Variants in RNF216 observed in about 807,000 individuals in gnomAD.
RNF216 encodes ring finger protein 216.
Under a neutral mutation model 110.8 loss-of-function variants are expected in RNF216, and 72 were observed. That is an observed-to-expected ratio of 0.65 (90% CI 0.54 to 0.79). The LOEUF (loss-of-function observed/expected upper bound fraction) is 0.79. Among genes scored for constraint, RNF216 ranks in the 30% least tolerant of loss-of-function variants. The pLI, the probability that RNF216 is intolerant of heterozygous loss-of-function variation, is 0.00. For missense variants in RNF216, 1,342 were observed against 1,141.2 expected, an observed-to-expected ratio of 1.18 and a Z score of -2.54; for synonymous variants, 495 against 407.5, an observed-to-expected ratio of 1.21 and a Z score of -2.59.
intron 13 of RNF216, among the ~76,000 whole-genome samples, chr7:5,701,521 C>A (rs1358907298): frequency 1.3e-5 from 2 of 152,214 alleles, no homozygotes; most frequent in African/African-American, 4.8e-5. Flanking sequence ...TTTACCCACG[C>A]TGTTTCCATT....
intron 15 of RNF216, among the ~76,000 whole-genome samples, chr7:5,630,861 C>A (rs1260833351): frequency 2.0e-5 from 3 of 152,302 alleles, no homozygotes; most frequent in South Asian, 2.1e-4. Context: ...GATGAGGAAA[C>A]CCTGGCACAG....
chr7:5,741,772 G>A lies in RNF216; in HGVS notation c.245C>T (p.Ala82Val), dbSNP rs1562451858. The change falls in exon 4 of 17, where the codon GCT (alanine) becomes GTT (valine). Residue 82 changes from alanine to valine, a missense_variant. Transcript: ENST00000389902. ...CCTTTTCAGATCTTGCCACTGGGCA[G>A]CTGGTTTGATGAGATTGGGTCGTGA... ...QRSRPNLIKP[A>V]AQWQDLKRLG... The A allele has an allele frequency of 1.9e-6, 3 of 1,614,008 alleles. No homozygotes were observed. The highest frequency in any genetic ancestry group is 3.3e-5 in the Admixed American group (2 of 59,994).
intron 1 of RNF216, among the ~76,000 whole-genome samples, chr7:5,773,656 C>T (rs1395684256): frequency 1.3e-5 from 2 of 152,218 alleles, no homozygotes; most frequent in African/African-American, 4.8e-5. Context: ...CAACCTCCGT[C>T]TCCCAGGTTC....
At chr7:5,744,815 C>A (rs6463512) in intron 3 of RNF216, among the ~76,000 whole-genome samples, 148,896 of 152,134 alleles carry the variant, frequency 0.98, 72,877 homozygotes, top group Middle Eastern at 0.99. Context: ...TCTACTAAAA[C>A]TACAAAATTA....
chr7:5,698,888 C>T (rs1287695370), intron 13 of RNF216, among the ~76,000 whole-genome samples: 1 of 152,192 alleles, frequency 6.6e-6, no homozygotes, highest in Non-Finnish European at 1.5e-5. Flanking sequence ...ATTTTCTCAT[C>T]TCTTAAAAAA....
chr7:5,645,635 C>T (rs569073089), intron 14 of RNF216, among the ~76,000 whole-genome samples: 28 of 151,850 alleles, frequency 1.8e-4, no homozygotes, highest in East Asian at 1.4e-3. Flanking sequence ...TCTGTCCCCA[C>T]GCTGGTGTGC....
chr7:5,634,435 G>C (rs1027495998), intron 15 of RNF216, among the ~76,000 whole-genome samples: 2 of 152,254 alleles, frequency 1.3e-5, no homozygotes, highest in Non-Finnish European at 2.9e-5. Flanking sequence ...ATTAGCCACA[G>C]ATCGCCTGAG....
intron 2 of RNF216, among the ~76,000 whole-genome samples, chr7:5,755,128 AAG>A (rs1795555297): frequency 7.2e-6 from 1 of 139,356 alleles, no homozygotes; most frequent in Non-Finnish European, 1.6e-5. Context: ...AAGGAAAGGA[AAG>A]AGGGAGGGAG....
intron 1 of RNF216, among the ~76,000 whole-genome samples, chr7:5,769,762 C>T (rs913022514): frequency 4.0e-5 from 6 of 151,426 alleles, no homozygotes; most frequent in Non-Finnish European, 7.4e-5. Context: ...ATCGGCCAGG[C>T]GTGGTGACTC....
chr7:5,765,394 G>A (rs1796149836), intron 1 of RNF216, among the ~76,000 whole-genome samples: 1 of 151,784 alleles, frequency 6.6e-6, no homozygotes, highest in Non-Finnish European at 1.5e-5. Context: ...AGCTTGGAAG[G>A]TGGAGGTTGC....
intron 1 of RNF216, among the ~76,000 whole-genome samples, chr7:5,769,732 A>G (rs1796394807): frequency 6.6e-6 from 1 of 151,266 alleles, no homozygotes; most frequent in Admixed American, 6.6e-5. Context: ...AAAAAAAGAA[A>G]AAAAGAAAAA....
rs113608777 is a variant in RNF216, at chr7:5,754,738, T to C, written c.68-1759A>G. 2.2e-3 allele frequency among the ~76,000 whole-genome samples: 337 copies of C among 152,136 alleles called. 3 individuals carry two copies. The highest frequency in any genetic ancestry group is 0.01 in the Middle Eastern group (3 of 292). ...AATCTTGGTGTACCCAATGAAAAAG[T>C]TGGTTTAGGCTGGGCACGGTGGCTC... On this transcript the variant is annotated intron_variant, in intron 2 of 16. Transcript: ENST00000389902.
chr7:5,743,672 A>C (rs1458775179), intron 3 of RNF216, among the ~76,000 whole-genome samples: 1 of 152,248 alleles, frequency 6.6e-6, no homozygotes, highest in East Asian at 1.9e-4. Context: ...ACACATGGAT[A>C]CATACAAATT....
At chr7:5,636,722 C>A (rs183069106) in intron 15 of RNF216, among the ~76,000 whole-genome samples, 1 of 152,356 alleles carries the variant, frequency 6.6e-6, no homozygotes, top group East Asian at 1.9e-4. Context: ...GGAACAGAAT[C>A]TCCGGCTGTG....
intron 3 of RNF216, among the ~76,000 whole-genome samples, chr7:5,744,409 T>C (rs1162921170): frequency 1.3e-5 from 2 of 151,902 alleles, no homozygotes; most frequent in Non-Finnish European, 2.9e-5. Context: ...TAACTGGAGT[T>C]GTAGAAGAGA....
chr7:5,695,782 T>C (rs1791588811), intron 13 of RNF216, among the ~76,000 whole-genome samples: 1 of 152,210 alleles, frequency 6.6e-6, no homozygotes, highest in South Asian at 2.1e-4. Flanking sequence ...CCCTTATGTG[T>C]TCTTCCCTTG....
chr7:5,773,491 T>C (rs571131746), intron 1 of RNF216, among the ~76,000 whole-genome samples: 2 of 152,194 alleles, frequency 1.3e-5, no homozygotes, highest in South Asian at 2.1e-4. Flanking sequence ...TTTCCCCGCC[T>C]TGGTCTCCCA....
intron 3 of RNF216, among the ~76,000 whole-genome samples, chr7:5,748,276 A>G (rs1306853549): frequency 1.3e-5 from 2 of 152,198 alleles, no homozygotes; most frequent in Non-Finnish European, 2.9e-5. Context: ...TTTGAAGGAA[A>G]AAGCCAAATT....
chr7:5,630,195 G>GA (rs1786984072), intron 15 of RNF216, among the ~76,000 whole-genome samples: 1 of 152,278 alleles, frequency 6.6e-6, no homozygotes, highest in East Asian at 1.9e-4. Context: ...GAGCTGCCTG[G>GA]ATGGCAGGGT....
Sources: gnomAD v4.1 joint callset for allele counts (sites outside exome capture counted in the v4.1 genomes callset) on GRCh38, gnomAD v4.1.1 for gene constraint, MANE v1.5 for transcripts, NCBI Gene and HGNC (gene_info 2026-07-23, HGNC 2026-07-21) for gene names.